The following CFAP299 variants were observed in gnomAD, a reference collection of about 807,000 sequenced individuals.
CFAP299 encodes cilia- and flagella-associated protein 299.
CFAP299 carries 21 observed loss-of-function variants against 27.0 expected under a neutral mutation model. The ratio of observed to expected loss-of-function variants is 0.78; its 90% confidence interval spans 0.55 to 1.12. The LOEUF is 1.12. CFAP299 is among the 50% of genes most tolerant of loss of function. CFAP299 has a pLI of 0.00. For missense variants in CFAP299, 310 were observed against 276.6 expected (o/e 1.12, Z -0.86); for synonymous variants, 104 against 98.1 (o/e 1.06, Z -0.36).
chr4:80,633,740 C>T (rs531089248), intron 3 of CFAP299, among the ~76,000 whole-genome samples: 161 of 152,064 alleles, frequency 1.1e-3, no homozygotes, highest in Non-Finnish European at 1.8e-3. Context: ...AAATCTTACT[C>T]GTTTGACTGA....
intron 3 of CFAP299, among the ~76,000 whole-genome samples, chr4:80,647,719 T>C (rs1740096824): frequency 6.6e-6 from 1 of 152,216 alleles, no homozygotes; most frequent in Non-Finnish European, 1.5e-5. Context: ...AAATGTAATA[T>C]TTAATTGTTC....
intron 2 of CFAP299, among the ~76,000 whole-genome samples, chr4:80,572,611 A>G (rs936716521): frequency 4.3e-5 from 6 of 138,028 alleles, no homozygotes; most frequent in African/African-American, 1.4e-4. Context: ...TCCGCCTCCC[A>G]GGTTCAAGTG....
intron 3 of CFAP299, among the ~76,000 whole-genome samples, chr4:80,684,475 C>G (rs1283783889): frequency 6.6e-6 from 1 of 152,120 alleles, no homozygotes; most frequent in Non-Finnish European, 1.5e-5. Flanking sequence ...CCGCGTTAGC[C>G]AGGATGGTTT....
intron 3 of CFAP299, among the ~76,000 whole-genome samples, chr4:80,714,602 A>C (rs1005361053): frequency 2.6e-5 from 4 of 152,156 alleles, no homozygotes; most frequent in African/African-American, 9.6e-5. Context: ...AACTTTGAGA[A>C]TAGACCTGGA....
At chr4:80,841,053 A>G (rs1239231051) in intron 3 of CFAP299, among the ~76,000 whole-genome samples, 2 of 152,158 alleles carry the variant, frequency 1.3e-5, no homozygotes, top group Non-Finnish European at 1.5e-5. Context: ...AAGATGTATA[A>G]TTACATACTA....
intron 3 of CFAP299, among the ~76,000 whole-genome samples, chr4:80,702,349 A>G (rs1721547288): frequency 6.6e-6 from 1 of 151,922 alleles, no homozygotes; most frequent in Admixed American, 6.6e-5. Context: ...CCTTTAAAGA[A>G]ACCTATGGCA....
At chr4:80,471,718 AT>A (rs987740862) in intron 2 of CFAP299, among the ~76,000 whole-genome samples, 2 of 152,060 alleles carry the variant, frequency 1.3e-5, no homozygotes, top group African/African-American at 4.8e-5. Context: ...TAAATTGAGG[AT>A]TATTAACATG....
chr4:80,388,395 G>T (rs1725138564), intron 2 of CFAP299: 1 of 706,666 alleles, frequency 1.4e-6, no homozygotes, highest in Non-Finnish European at 2.6e-6. Flanking sequence ...GGCGAGGCCT[G>T]CTGGACCGCT....
At chr4:80,913,976 C>T (rs983624580) in intron 4 of CFAP299, among the ~76,000 whole-genome samples, 9 of 152,108 alleles carry the variant, frequency 5.9e-5, no homozygotes, top group African/African-American at 2.2e-4. Flanking sequence ...GGCTTCTTTC[C>T]CATAGACTAA....
chr4:80,462,186 T>G (rs1049196080), intron 2 of CFAP299, among the ~76,000 whole-genome samples: 2 of 152,182 alleles, frequency 1.3e-5, no homozygotes, highest in African/African-American at 4.8e-5. Context: ...CTCTTGTATT[T>G]TCAACATCTT....
At chr4:80,947,261 A>G (rs919945248) in intron 5 of CFAP299, among the ~76,000 whole-genome samples, 2 of 152,190 alleles carry the variant, frequency 1.3e-5, no homozygotes, top group Non-Finnish European at 2.9e-5. Flanking sequence ...TTGGTTAATG[A>G]GTGGTAAGAG....
At chr4:80,688,263 G>T (rs917823201) in intron 3 of CFAP299, among the ~76,000 whole-genome samples, 4 of 152,212 alleles carry the variant, frequency 2.6e-5, no homozygotes, top group Admixed American at 2.6e-4. Context: ...AAAGACAGCA[G>T]TAACCTCTGC....
chr4:80,583,762 G>A (rs750109705), intron 3 of CFAP299, among the ~76,000 whole-genome samples: 14 of 151,998 alleles, frequency 9.2e-5, no homozygotes, highest in Non-Finnish European at 1.5e-4. Flanking sequence ...TTGTTAATAT[G>A]ATATTTGTGA....
At chr4:80,692,462 T>A (rs1476516734) in intron 3 of CFAP299, among the ~76,000 whole-genome samples, 1 of 152,190 alleles carries the variant, frequency 6.6e-6, no homozygotes, top group Non-Finnish European at 1.5e-5. Flanking sequence ...CCCTATTTAA[T>A]AAATGGTGCT....
chr4:80,653,301 AT>A (rs1219354010), intron 3 of CFAP299, among the ~76,000 whole-genome samples: 1 of 151,994 alleles, frequency 6.6e-6, no homozygotes. Flanking sequence ...TCACCTCTCC[AT>A]TTTTAGTGAT....
intron 3 of CFAP299, among the ~76,000 whole-genome samples, chr4:80,695,388 C>T (rs117107853): frequency 1.3e-5 from 2 of 152,246 alleles, no homozygotes; most frequent in East Asian, 3.9e-4. Context: ...AAATAACTTT[C>T]TCACATATAG....
intron 3 of CFAP299, among the ~76,000 whole-genome samples, chr4:80,864,154 G>C (rs76239324): frequency 1.3e-3 from 191 of 151,978 alleles, no homozygotes; most frequent in African/African-American, 4.3e-3. Flanking sequence ...GAATTTTTAT[G>C]TTAAGTAAAC....
intron 4 of CFAP299, among the ~76,000 whole-genome samples, chr4:80,901,901 G>A (rs774546012): frequency 2.6e-5 from 4 of 151,818 alleles, no homozygotes; most frequent in Non-Finnish European, 2.9e-5. Context: ...GTTTTTCCCC[G>A]TCCTCCTAAC....
intron 3 of CFAP299, among the ~76,000 whole-genome samples, chr4:80,868,696 C>T (rs1732890094): frequency 6.6e-6 from 1 of 151,936 alleles, no homozygotes; most frequent in African/African-American, 2.4e-5. Context: ...TTTTCCTTGC[C>T]AGGGCATCAA....
Sources: gnomAD v4.1 joint callset for allele counts (sites outside exome capture counted in the v4.1 genomes callset) on GRCh38, gnomAD v4.1.1 for gene constraint, MANE v1.5 for transcripts, NCBI Gene and HGNC (gene_info 2026-07-23, HGNC 2026-07-21) for gene names.